Variants in ZNF831 observed in about 807,000 individuals in gnomAD.
ZNF831 encodes the protein zinc finger protein 831, also known as chromosome 20 open reading frame 174.
ZNF831 carries 59 observed loss-of-function variants against 95.8 expected under a neutral mutation model. The ratio of observed to expected loss-of-function variants is 0.62; its 90% CI spans 0.50 to 0.77. The LOEUF (loss-of-function observed/expected upper bound fraction) is 0.77, where lower values mean the gene tolerates loss of function less well. Among genes scored for constraint, ZNF831 ranks in the 30% least tolerant of loss-of-function variants. ZNF831 has a pLI of 0.00. For synonymous variants in ZNF831, 961 were observed against 925.5 expected (o/e 1.04, Z -0.70); for missense variants, 2,205 against 2,164.0 (o/e 1.02, Z -0.38).
intron 1 of ZNF831, among the ~76,000 whole-genome samples, chr20:59,166,610 T>C (rs1206376538): frequency 6.6e-6 from 1 of 151,870 alleles, no homozygotes; most frequent in African/African-American, 2.4e-5. Flanking sequence ...CCCCAAGCAA[T>C]CACTAGTCTG....
chr20:59,126,666 T>G (rs1979180179), intron 1 of ZNF831, among the ~76,000 whole-genome samples: 1 of 152,246 alleles, frequency 6.6e-6, no homozygotes, highest in Non-Finnish European at 1.5e-5. Flanking sequence ...CCCGTTTCCA[T>G]ATGCATGCAT....
intron 4 of ZNF831, among the ~76,000 whole-genome samples, chr20:59,245,107 G>C (rs1425065777): frequency 6.6e-6 from 1 of 152,158 alleles, no homozygotes; most frequent in Non-Finnish European, 1.5e-5. Context: ...ACAAAGCCAC[G>C]GTGAAGCTTT....
upstream of ZNF831, among the ~76,000 whole-genome samples, chr20:59,163,502 C>T (rs1385741096): frequency 3.9e-5 from 6 of 152,214 alleles, no homozygotes; most frequent in Non-Finnish European, 5.9e-5. Context: ...CCTCAGGAAC[C>T]TCTGGGGTTA....
intron 1 of ZNF831, among the ~76,000 whole-genome samples, chr20:59,166,706 T>C (rs1047324084): frequency 1.3e-5 from 2 of 152,206 alleles, no homozygotes; most frequent in Non-Finnish European, 2.9e-5. Context: ...GGACTGACTT[T>C]TTTCATTCAG....
chr20:59,247,119 G>A (rs1987650380), intron 4 of ZNF831, among the ~76,000 whole-genome samples: 1 of 152,162 alleles, frequency 6.6e-6, no homozygotes, highest in Admixed American at 6.5e-5. Flanking sequence ...GTATGCAACA[G>A]AGACTTAAAG....
chr20:59,158,776 C>T (rs1250455357), intron 2 of ZNF831, among the ~76,000 whole-genome samples: 9 of 152,132 alleles, frequency 5.9e-5, no homozygotes, highest in Admixed American at 1.3e-4. Flanking sequence ...ATTTTGGAAT[C>T]GTTTGAGATG....
At chr20:59,233,905 A>G (rs899958541) in intron 4 of ZNF831, among the ~76,000 whole-genome samples, 1 of 152,230 alleles carries the variant, frequency 6.6e-6, no homozygotes, top group African/African-American at 2.4e-5. Flanking sequence ...GCACACAGGC[A>G]TGCAGCCACC....
At chr20:59,228,302 C>T (rs181833834) in intron 4 of ZNF831, among the ~76,000 whole-genome samples, 297 of 152,224 alleles carry the variant, frequency 2.0e-3, no homozygotes, top group African/African-American at 6.8e-3. Flanking sequence ...GCTCATTCAT[C>T]TGTGGAGCCA....
chr20:59,255,523 G>A lies in ZNF831; in HGVS notation c.*780G>A, dbSNP rs920183849. On this transcript the variant is annotated 3_prime_UTR_variant, in exon 6 of 6. Coordinates refer to ENST00000371030, the MANE Select transcript of ZNF831 (RefSeq NM_178457.3). The stretch of plus-strand genomic sequence containing the variant: ...GTTTTTCTAGTTCTTGCAAAGGAAC[G>A]GTGTTAAAAGTTAATAGAACTGTCT... 3.3e-5 allele frequency: 5 copies of A among 152,090 alleles called. No individual in the cohort carries two copies. The highest frequency in any genetic ancestry group is 1.2e-4 in the African/African-American group (5 of 41,406). 9.4% of individuals were successfully genotyped at this position (152,090 alleles called of 1,614,324 possible). A position where few individuals can be genotyped will look rare whatever the true frequency, so the allele number is the denominator to read the frequency against.
chr20:59,215,654 G>T (rs765055805), intron 4 of ZNF831, among the ~76,000 whole-genome samples: 7 of 152,188 alleles, frequency 4.6e-5, no homozygotes, highest in Non-Finnish European at 8.8e-5. Flanking sequence ...TTGATCTGGG[G>T]ATCAGCACTG....
chr20:59,137,237 A>T (rs6015446), intron 1 of ZNF831, among the ~76,000 whole-genome samples: 152 of 151,942 alleles, frequency 1.0e-3, no homozygotes, highest in African/African-American at 3.4e-3. Flanking sequence ...ATTTTTTAGA[A>T]GTTATATGCA....
Position 59,169,103 on chromosome 20 carries a change from G to A in ZNF831, c.-37+4896G>A, listed in dbSNP as rs560395768. On this transcript the variant is annotated intron_variant, in intron 1 of 5. Transcript: ENST00000371030. This position sits in a 1 kb window ranked among gnomAD's most constrained non-coding sequence, Gnocchi z 4.1. ...AGTGTTATTTCCTTTTCTGTTTTCCGGATAAAGTTGCGTCGAATTTGTGTT... is the reference window on the plus strand; with the variant it reads ...AGTGTTATTTCCTTTTCTGTTTTCCAGATAAAGTTGCGTCGAATTTGTGTT... Among the ~76,000 whole-genome samples the A allele has an allele frequency of 1.1e-4, 17 of 152,208 alleles. No homozygotes were observed. The highest frequency in any genetic ancestry group is 6.2e-4 in the South Asian group (3 of 4,812).
At chr20:59,152,388 G>A (rs930500474) in intron 2 of ZNF831, among the ~76,000 whole-genome samples, 1 of 152,044 alleles carries the variant, frequency 6.6e-6, no homozygotes, top group African/African-American at 2.4e-5. Context: ...GTGGACAGGT[G>A]GATTTTGGGT....
intron 1 of ZNF831, among the ~76,000 whole-genome samples, chr20:59,132,711 A>G (rs1979385491): frequency 6.6e-6 from 1 of 152,060 alleles, no homozygotes; most frequent in Non-Finnish European, 1.5e-5. Flanking sequence ...CCAGATTGCT[A>G]CACTGGTGAA....
At chr20:59,185,178 A>C (rs982779820) in intron 1 of ZNF831, among the ~76,000 whole-genome samples, 12 of 152,096 alleles carry the variant, frequency 7.9e-5, no homozygotes, top group African/African-American at 2.9e-4. Flanking sequence ...CATCTCCTTG[A>C]TTCAGAGTGA....
At chr20:59,225,409 A>T (rs575204059) in intron 4 of ZNF831, among the ~76,000 whole-genome samples, 1 of 152,128 alleles carries the variant, frequency 6.6e-6, no homozygotes. Flanking sequence ...TTCCAGTTTC[A>T]CTACTCAATA....
At chr20:59,185,226 A>C (rs1407244346) in intron 1 of ZNF831, among the ~76,000 whole-genome samples, 1 of 152,180 alleles carries the variant, frequency 6.6e-6, no homozygotes, top group Non-Finnish European at 1.5e-5. Context: ...TTTCCTGAGA[A>C]AAGCGTCATC....
chr20:59,144,675 C>T (rs993975317), intron 1 of ZNF831, among the ~76,000 whole-genome samples: 6 of 152,168 alleles, frequency 3.9e-5, no homozygotes, highest in African/African-American at 1.4e-4. Context: ...ACTGATGACT[C>T]ATAGAAACCC....
rs549253800 is a variant in ZNF831 at position 59,200,434 on chromosome 20, C to T, written c.3875+4429C>T. The stretch of plus-strand genomic sequence containing the variant: ...TTCAAATCTGTCTTTAAAATTTTAC[C>T]AGTTTTTAAATCTACTATTTTTTGT... On this transcript the variant is annotated intron_variant, in intron 3 of 5. Transcript: ENST00000371030. Among the ~76,000 whole-genome samples the T allele has an allele frequency of 1.8e-4, 28 of 151,980 alleles. No homozygotes were observed. The South Asian group carries it at 5.8e-3, about 32-fold the overall frequency.
Sources: allele counts gnomAD v4.1 joint callset (sites outside exome capture counted in the v4.1 genomes callset), GRCh38; gene constraint gnomAD v4.1.1; non-coding constraint Gnocchi (gnomAD v3.1); transcripts MANE v1.5; gene names NCBI Gene and HGNC (gene_info 2026-07-23, HGNC 2026-07-21).